Variants in RAPSN observed in about 807,000 individuals in gnomAD.
RAPSN encodes receptor associated protein of the synapse, also known as 43 kDa receptor-associated protein of the synapse.
In RAPSN, 33 loss-of-function variants were observed where a neutral mutation model predicts 45.7. The ratio of observed to expected loss-of-function variants is 0.72; its 90% confidence interval spans 0.55 to 0.97. The LOEUF is 0.97. RAPSN is among the 50% of genes least tolerant of loss of function. RAPSN has a pLI of 0.00. For missense variants in RAPSN, 519 were observed against 559.4 expected (o/e 0.93, Z 0.73); for synonymous variants, 244 against 233.6 (o/e 1.04, Z -0.40).
At position 47,448,761 on chromosome 11, in the gene RAPSN, G is replaced by A. The variant is rs774654232; in HGVS notation, c.192+12C>T. The stretch of plus-strand genomic sequence containing the variant: ...CCTGACCCTCGAACGCCCCCAGGCC[G>A]GGTACACCCACCTTCAGCATCTCCT... On this transcript the variant is annotated intron_variant, in intron 1 of 7. Transcript: ENST00000298854. The A allele has an allele frequency of 6.8e-6, 11 of 1,606,882 alleles. No homozygotes were observed. In the Admixed American group the frequency reaches 1.0e-4, roughly 15 times the overall value.
At chr11:47,448,268 A>C in intron 1 of RAPSN, 118 bp from the exon 2 acceptor site, 6 of 1,063,848 alleles carry the variant, frequency 5.6e-6, no homozygotes, top group Non-Finnish European at 7.0e-6. Flanking sequence ...CTCACACCCA[A>C]AGCAGCAGAT....
intron 2 of RAPSN, among the ~76,000 whole-genome samples, chr11:47,445,141 G>A (rs1053655754): frequency 6.6e-6 from 1 of 151,442 alleles, no homozygotes; most frequent in African/African-American, 2.4e-5. Flanking sequence ...TGAGGCAGGA[G>A]AATGGCGTGA....
Position 47,448,910 on chromosome 11 carries a change from A to C in RAPSN, c.55T>G (p.Ser19Ala). The change falls in exon 1 of 8, where the codon TCC (serine) becomes GCC (alanine). Residue 19 changes from serine (S) to alanine (A), a missense_variant. By Grantham distance (99) the Ser-to-Ala change is moderately conservative. Transcript: ENST00000298854. ...TGCAATGCCTTCTCTGTCTGGTTGG[A>C]CTGGTACAGCTGGAGCCCCTTCTCG... ...QIEKGLQLYQ[S>A]NQTEKALQVW... 1.2e-6 allele frequency: 2 copies of C among 1,614,116 alleles called. No individual in the cohort carries two copies. Among genetic ancestry groups the C allele is most frequent in the East Asian group, 4.5e-5 (2 of 44,856 alleles).
At chr11:47,438,403 G>T (rs528496011) in intron 7 of RAPSN, 6 of 570,170 alleles carry the variant, frequency 1.1e-5, no homozygotes. Flanking sequence ...GCTCACTGCA[G>T]CCTCTGCCTC....
At chr11:47,439,600 T>C (rs2076347182) in intron 6 of RAPSN, among the ~76,000 whole-genome samples, 1 of 152,112 alleles carries the variant, frequency 6.6e-6, no homozygotes. Context: ...CAACCAAATT[T>C]TGGCATTTTG....
chr11:47,448,457 A>C (rs1595903223), intron 1 of RAPSN, among the ~76,000 whole-genome samples: 1 of 62,050 alleles, frequency 1.6e-5, no homozygotes, highest in African/African-American at 6.5e-5. Context: ...ACACCCCGCC[A>C]GGCTCAGACA....
intron 2 of RAPSN, among the ~76,000 whole-genome samples, chr11:47,446,726 G>A (rs2076409113): frequency 2.6e-5 from 4 of 152,120 alleles, no homozygotes; most frequent in Non-Finnish European, 4.4e-5. Context: ...CCAACATGGT[G>A]AAACCCCATT....
Position 47,438,707 on chromosome 11 carries a change from T to C in RAPSN, c.1166+25A>G, listed in dbSNP as rs2076334709. 3 of 1,335,784 alleles carry C rather than the reference T, an allele frequency of 2.2e-6. No individual in the cohort carries two copies. The South Asian group carries it at 3.7e-5, about 17-fold the overall frequency. The allele number at this position is 1,335,784 out of a possible 1,614,324, so 82.7% of individuals were successfully genotyped here. On this transcript the variant is annotated intron_variant, in intron 7 of 7. Transcript: ENST00000298854. ...GCCCCGAAGAGATCCTGCCCACCCCTGTCCACCCCCCCAGGAGCCCCCACC... is the reference window on the plus strand; with the variant it reads ...GCCCCGAAGAGATCCTGCCCACCCCCGTCCACCCCCCCAGGAGCCCCCACC...
At chr11:47,445,238 A>AT (rs1555143083) in intron 2 of RAPSN, among the ~76,000 whole-genome samples, 83 of 151,306 alleles carry the variant, frequency 5.5e-4, no homozygotes, top group Middle Eastern at 3.4e-3. Context: ...TCTAAAAAAA[A>AT]ATATATATAT....
At position 47,438,735 on chromosome 11, in the gene RAPSN, A is replaced by G; in HGVS notation, c.1163T>C (p.Leu388Pro). ...CCACCCCCCCAGGAGCCCCCACCTG[A>G]GGTGGAAGATGTGGGAGCAAGGTAG... ...QALPCSHIFH[L>P]RCLQNNGTRS... Residue 388 changes from leucine (L) to proline (P), a missense_variant, in exon 7 of 8, where the codon CTC becomes CCC. Coordinates refer to ENST00000298854, the MANE Select transcript of RAPSN (RefSeq NM_005055.5). 6.4e-7 allele frequency: 1 copy of G among 1,560,508 alleles called. No individual in the cohort carries two copies. Among genetic ancestry groups the G allele is most frequent in the Non-Finnish European group, 8.7e-7 (1 of 1,149,726 alleles).
chr11:47,440,469 C>T (rs1209599847), intron 6 of RAPSN, among the ~76,000 whole-genome samples: 2 of 152,256 alleles, frequency 1.3e-5, no homozygotes, highest in East Asian at 1.9e-4. Flanking sequence ...TTGTAGAGGC[C>T]GGGCCTGGTG....
At chr11:47,442,854 CAG>C in intron 2 of RAPSN, 40 bp from the exon 3 acceptor site, 2 of 1,610,462 alleles carry the variant, frequency 1.2e-6, no homozygotes, top group Non-Finnish European at 1.7e-6. Context: ...AACTGAGTGG[CAG>C]AGGCTGCCCC....
intron 6 of RAPSN, among the ~76,000 whole-genome samples, chr11:47,439,837 C>G (rs1192555714): frequency 6.6e-6 from 1 of 151,682 alleles, no homozygotes; most frequent in Non-Finnish European, 1.5e-5. Flanking sequence ...CTCAGCCTCC[C>G]AAGCAGCTGG....
chr11:47,438,511 C>A (rs529368873), intron 7 of RAPSN: 11 of 591,468 alleles, frequency 1.9e-5, no homozygotes, highest in Non-Finnish European at 3.3e-5. Context: ...TTAGTAGAGA[C>A]GGGGTTTCAC....
intron 2 of RAPSN, among the ~76,000 whole-genome samples, chr11:47,444,972 C>G (rs1401257376): frequency 6.6e-6 from 1 of 151,988 alleles, no homozygotes; most frequent in Non-Finnish European, 1.5e-5. Flanking sequence ...GCCTGTAATC[C>G]CAGCACTTTG....
chr11:47,446,633 C>T (rs1247980518), intron 2 of RAPSN, among the ~76,000 whole-genome samples: 2 of 152,074 alleles, frequency 1.3e-5, no homozygotes, highest in African/African-American at 2.4e-5. Flanking sequence ...TGGCCGGGTG[C>T]GGTGGCTCAC....
At position 47,447,808 on chromosome 11, in the gene RAPSN, C is replaced by T. The variant is rs776088255; in HGVS notation, c.531+4G>A. 1 of 1,609,246 alleles carries T rather than the reference C, an allele frequency of 6.2e-7. No homozygotes were observed. The highest frequency in any genetic ancestry group is 8.5e-7 in the Non-Finnish European group (1 of 1,178,220). Reference sequence around the variant, plus strand: ...ACTGCTGTCCCCCTGGGGTGCAGGCCCACCTTGACCTGGGCATAGAAGCTG... The same window carrying T: ...ACTGCTGTCCCCCTGGGGTGCAGGCTCACCTTGACCTGGGCATAGAAGCTG... On this transcript the variant is annotated splice_donor_region_variant and intron_variant, in intron 2 of 7. Coordinates refer to ENST00000298854, the MANE Select transcript of RAPSN (RefSeq NM_005055.5).
chr11:47,442,975 A>T lies in RAPSN; in HGVS notation c.532-161T>A, dbSNP rs1279088854. On this transcript the variant is annotated intron_variant, in intron 2 of 7. Transcript: ENST00000298854. ...AGGACAAGAGTGGCCCGGTAGAGGG[A>T]ACAGCCAGTGCAAAGGTGTCGCTCT... 1.3e-5 allele frequency among the ~76,000 whole-genome samples: 2 copies of T among 152,220 alleles called. 1 individual carries two copies. Among genetic ancestry groups the T allele is most frequent in the Non-Finnish European group, 2.9e-5 (2 of 68,048 alleles).
intron 2 of RAPSN, among the ~76,000 whole-genome samples, chr11:47,445,593 C>CAAAAAAAAA (rs61001294): frequency 1.7e-5 from 1 of 58,308 alleles, no homozygotes; most frequent in African/African-American, 6.7e-5. Context: ...GAGACTGTCT[C>CAAAAAAAAA]AAAAAAAAAA....
Sources: gnomAD v4.1 joint callset for allele counts (sites outside exome capture counted in the v4.1 genomes callset) on GRCh38, gnomAD v4.1.1 for gene constraint, MANE v1.5 for transcripts, NCBI Gene and HGNC (gene_info 2026-07-23, HGNC 2026-07-21) for gene names.